SIK3: variants seen among roughly 807,000 people sequenced by gnomAD.
SIK3 encodes serine/threonine-protein kinase SIK3.
In SIK3, 28 loss-of-function variants were observed where a neutral mutation model predicts 144.2. That is an observed-to-expected ratio of 0.19 (90% confidence interval 0.14 to 0.27). The LOEUF is 0.27. Among genes scored for constraint, SIK3 ranks in the 10% least tolerant of loss-of-function variants. SIK3 has a pLI of 1.00. For missense variants in SIK3, 1,319 were observed against 1,776.0 expected (o/e 0.74, Z 4.62); for synonymous variants, 686 against 676.3 (o/e 1.01, Z -0.22).
intron 1 of SIK3, among the ~76,000 whole-genome samples, chr11:117,045,571 T>C (rs912686544): frequency 6.6e-5 from 10 of 152,240 alleles, no homozygotes; most frequent in Non-Finnish European, 1.3e-4. Flanking sequence ...CTAGAGGCAC[T>C]GGCATGAAGC....
At chr11:116,968,431 C>T (rs1161848414) in intron 1 of SIK3, among the ~76,000 whole-genome samples, 1 of 152,132 alleles carries the variant, frequency 6.6e-6, no homozygotes, top group Non-Finnish European at 1.5e-5. Flanking sequence ...TGTGAGCCAC[C>T]GTGCCTGGCC....
chr11:116,915,630 T>TTGTG (rs1377084269), intron 4 of SIK3, among the ~76,000 whole-genome samples: 1 of 152,184 alleles, frequency 6.6e-6, no homozygotes, highest in African/African-American at 2.4e-5. Flanking sequence ...TATACATATT[T>TTGTG]TGTGTGTATG....
intron 19 of SIK3, 95 bp downstream of exon 19, chr11:116,861,179 T>G: frequency 1.0e-6 from 1 of 978,348 alleles, no homozygotes; most frequent in Non-Finnish European, 1.6e-6. Context: ...TATGTTATTC[T>G]GCCTTTCAAA....
intron 1 of SIK3, among the ~76,000 whole-genome samples, chr11:116,999,205 A>G (rs538342228): frequency 2.6e-5 from 4 of 152,226 alleles, no homozygotes; most frequent in Non-Finnish European, 5.9e-5. Context: ...TTTGAATCCA[A>G]AGTTTTAAAG....
At chr11:116,862,074 CA>C (rs1943365758) in intron 17 of SIK3, 127 bp downstream of exon 17, 1 of 1,414,274 alleles carries the variant, frequency 7.1e-7, no homozygotes, top group African/African-American at 1.4e-5. Flanking sequence ...TACCTTTACT[CA>C]AACATGTCAA....
chr11:116,881,051 G>A (rs1161521807), intron 6 of SIK3, among the ~76,000 whole-genome samples: 2 of 152,122 alleles, frequency 1.3e-5, no homozygotes, highest in African/African-American at 4.8e-5. Context: ...GTGAACCTGG[G>A]AGGCGGAGCT....
At chr11:117,096,685 T>C (rs1399372987) in intron 1 of SIK3, among the ~76,000 whole-genome samples, 1 of 151,958 alleles carries the variant, frequency 6.6e-6, no homozygotes, top group Non-Finnish European at 1.5e-5. Context: ...GACCAATCAA[T>C]TCGCCACAGC....
At chr11:117,033,689 G>C (rs1209276934) in intron 1 of SIK3, among the ~76,000 whole-genome samples, 2 of 141,572 alleles carry the variant, frequency 1.4e-5, no homozygotes, top group Admixed American at 7.2e-5. Flanking sequence ...AGTCTGGGGG[G>C]AAAGAGCGAG....
intron 1 of SIK3, among the ~76,000 whole-genome samples, chr11:117,012,412 C>T (rs907241598): frequency 6.6e-6 from 1 of 152,208 alleles, no homozygotes; most frequent in African/African-American, 2.4e-5. Flanking sequence ...ATTACACCAT[C>T]ATACTTGTAA....
chr11:117,041,658 G>C (rs1388593325), intron 1 of SIK3, among the ~76,000 whole-genome samples: 3 of 152,102 alleles, frequency 2.0e-5, no homozygotes, highest in Non-Finnish European at 2.9e-5. Flanking sequence ...ACTTTTCCAA[G>C]ATCACAGACT....
chr11:116,908,436 G>A lies in SIK3; in HGVS notation c.617-11119C>T, dbSNP rs181108177. Among the ~76,000 whole-genome samples, 33 of 152,166 alleles carry A rather than the reference G, an allele frequency of 2.2e-4. 1 individual carries two copies. The South Asian group carries it at 4.1e-3, about 19-fold the overall frequency. Reference sequence around the variant, plus strand: ...CGAGACTGCTGTGGGCTGTGATCACGCCACTGCACTGCAGCCTGGGTGATG... The same window carrying A: ...CGAGACTGCTGTGGGCTGTGATCACACCACTGCACTGCAGCCTGGGTGATG... On this transcript the variant is annotated intron_variant, in intron 4 of 24. Transcript: ENST00000445177.
chr11:116,891,521 A>C (rs1945109432), intron 6 of SIK3, among the ~76,000 whole-genome samples: 1 of 152,120 alleles, frequency 6.6e-6, no homozygotes, highest in African/African-American at 2.4e-5. Flanking sequence ...TATAAAATGT[A>C]CTTTTTTCTT....
At chr11:116,986,313 G>T (rs1483826634) in intron 1 of SIK3, among the ~76,000 whole-genome samples, 1 of 152,098 alleles carries the variant, frequency 6.6e-6, no homozygotes, top group Non-Finnish European at 1.5e-5. Context: ...CTTTAATAAG[G>T]TTGCTATAAA....
At chr11:116,922,002 C>T (rs945346882) in intron 4 of SIK3, among the ~76,000 whole-genome samples, 4 of 152,008 alleles carry the variant, frequency 2.6e-5, no homozygotes, top group African/African-American at 9.7e-5. Flanking sequence ...AGACTCCTGC[C>T]TTAGCCTTGA....
At chr11:117,024,388 T>G in intron 1 of SIK3, among the ~76,000 whole-genome samples, 1 of 151,718 alleles carries the variant, frequency 6.6e-6, no homozygotes. Flanking sequence ...TGCTCATTTC[T>G]GCCATTGTGC....
At position 116,873,574 on chromosome 11, in the gene SIK3, C is replaced by T. The variant is rs138704851; in HGVS notation, c.1644G>A (p.Arg548=). 771 of 1,609,262 alleles carry T rather than the reference C, an allele frequency of 4.8e-4. 3 individuals are homozygous for T. The highest frequency in any genetic ancestry group is 3.7e-3 in the Middle Eastern group (22 of 6,018). ...QLLNGMGPLG[R]RASDGGANIQ... ...TGTTGGCTCCTCCATCTGATGCCCT[C>T]CGGCCAAGGGGGCCCATTCCATTCA... The change falls in exon 13 of 25, where the codon CGG becomes CGA. Residue 548 remains arginine (R), a synonymous_variant. Transcript: ENST00000445177.
intron 1 of SIK3, among the ~76,000 whole-genome samples, chr11:117,016,697 T>C (rs558454327): frequency 6.6e-6 from 1 of 152,320 alleles, no homozygotes; most frequent in East Asian, 1.9e-4. Flanking sequence ...TTTATGTTAA[T>C]TAGTTAGGTT....
intron 15 of SIK3, among the ~76,000 whole-genome samples, chr11:116,865,743 A>C (rs1211261922): frequency 6.6e-6 from 1 of 152,174 alleles, no homozygotes; most frequent in African/African-American, 2.4e-5. Flanking sequence ...ACTGTTCTTT[A>C]ATCATTTCCT....
rs1044412287 is a variant in SIK3 at position 116,868,045 on chromosome 11, T to C, written c.1853A>G (p.Asn618Ser). Residue 618 changes from asparagine to serine, a missense_variant, in exon 15 of 25, where the codon AAC becomes AGC. By Grantham distance (46) the Asn-to-Ser change is conservative (BLOSUM62 1). Transcript: ENST00000445177. ...GTCCGGTGGGATCTCAGCTGTAGGG[T>C]TGGTCATGGCCAGTGTATGTCTTTT... ...RSKRHTLAMT[N>S]PTAEIPPDLQ... 2.2e-5 allele frequency: 34 copies of C among 1,550,474 alleles called. No homozygotes were observed. Among genetic ancestry groups the C allele is most frequent in the Admixed American group, 3.9e-5 (2 of 50,986 alleles).
Sources: allele counts gnomAD v4.1 joint callset (sites outside exome capture counted in the v4.1 genomes callset), GRCh38; gene constraint gnomAD v4.1.1; transcripts MANE v1.5; gene names NCBI Gene and HGNC (gene_info 2026-07-23, HGNC 2026-07-21).